The following DUSP22 variants were observed in gnomAD, a reference collection of about 807,000 sequenced individuals.
The protein encoded by DUSP22 is dual specificity protein phosphatase 22.
In DUSP22, 24 loss-of-function variants were observed where a neutral mutation model predicts 24.5. The ratio of observed to expected loss-of-function variants is 0.98; its 90% CI spans 0.71 to 1.38. DUSP22 has a LOEUF of 1.38. Among genes scored for constraint, DUSP22 ranks in the 40% most tolerant of loss-of-function variants. The probability of loss-of-function intolerance (pLI) is 0.00; values close to 1 mark genes in which losing one functional copy is unlikely to be tolerated. For synonymous variants in DUSP22, 160 were observed against 106.4 expected (o/e 1.50, Z -3.10); for missense variants, 330 against 269.2 (o/e 1.23, Z -1.58).
chr6:337,490 A>G (rs1759409772), intron 4 of DUSP22, among the ~76,000 whole-genome samples: 1 of 152,298 alleles, frequency 6.6e-6, no homozygotes, highest in Non-Finnish European at 1.5e-5. Context: ...ACCTGCTGAC[A>G]TGGAGGGACA....
chr6:312,026 C>A, intron 3 of DUSP22, 64 bp downstream of exon 3: 3 of 1,537,012 alleles, frequency 2.0e-6, no homozygotes, highest in Non-Finnish European at 1.8e-6. Context: ...GTACCTACGA[C>A]GTTAATGAAG....
At chr6:347,271 T>C (rs1759929381) in intron 5 of DUSP22, among the ~76,000 whole-genome samples, 2 of 152,308 alleles carry the variant, frequency 1.3e-5, no homozygotes, top group Non-Finnish European at 2.9e-5. Context: ...AGTGGGGTTT[T>C]AAAATTATTG....
chr6:342,294 C>G (rs1275218263), intron 4 of DUSP22, among the ~76,000 whole-genome samples: 1 of 152,298 alleles, frequency 6.6e-6, no homozygotes, highest in African/African-American at 2.4e-5. Flanking sequence ...TCTTTCTGAC[C>G]AGAAAGAGAC....
chr6:344,280 A>C (rs142122627), intron 4 of DUSP22, among the ~76,000 whole-genome samples: 1 of 151,602 alleles, frequency 6.6e-6, no homozygotes, highest in Non-Finnish European at 1.5e-5. Flanking sequence ...TTTAGAACTT[A>C]GTTCTATTAT....
chr6:337,628 T>C (rs1004525795), intron 4 of DUSP22, among the ~76,000 whole-genome samples: 9 of 152,302 alleles, frequency 5.9e-5, no homozygotes, highest in African/African-American at 1.9e-4. Flanking sequence ...ACTTTTTCTT[T>C]TTAAAATACG....
intron 2 of DUSP22, 106 bp downstream of exon 2, chr6:304,767 T>C: frequency 6.7e-7 from 1 of 1,488,080 alleles, no homozygotes; most frequent in Non-Finnish European, 9.4e-7. Context: ...TAATTTGCAT[T>C]GCTGTGCAGC....
intron 2 of DUSP22, among the ~76,000 whole-genome samples, chr6:305,512 G>A (rs1757782002): frequency 6.6e-6 from 1 of 152,304 alleles, no homozygotes; most frequent in South Asian, 2.1e-4. Flanking sequence ...ATCTCTGGCA[G>A]ATTCTTCTCA....
chr6:351,128 C>T lies in DUSP22; in HGVS notation c.*2177C>T, dbSNP rs1383339708. ...CCTGTAAGGATCCCGGGAGCCTTGCCGCACTGCCTTGTGGGTGGCTTGGCG... is the reference window on the plus strand; with the variant it reads ...CCTGTAAGGATCCCGGGAGCCTTGCTGCACTGCCTTGTGGGTGGCTTGGCG... On this transcript the variant is annotated 3_prime_UTR_variant, in exon 7 of 7. Coordinates refer to ENST00000419235, the MANE Select transcript of DUSP22 (RefSeq NM_001286555.3). 6.0e-5 allele frequency: 34 copies of T among 567,394 alleles called. No individual in the cohort carries two copies. Among genetic ancestry groups the T allele is most frequent in the South Asian group, 1.3e-4 (6 of 46,152 alleles). The allele number at this position is 567,394 out of a possible 1,614,324, so 35.1% of individuals were successfully genotyped here.
rs756523722 is a variant in DUSP22 at position 348,819 on chromosome 6, A to C, written c.486A>C (p.Ala162=). 1.9e-6 allele frequency: 3 copies of C among 1,614,310 alleles called. No individual in the cohort carries two copies. Among genetic ancestry groups the C allele is most frequent in the Non-Finnish European group, 2.5e-6 (3 of 1,180,054 alleles). The part of the protein sequence containing the change: ...EEYGESPLQD[A]EEAKNILGKY... ...ATGGAGAGAGCCCTTTGCAGGATGCAGAAGAAGCCAAAAACATTCTGGGTA... is the reference window on the plus strand; with the variant it reads ...ATGGAGAGAGCCCTTTGCAGGATGCCGAAGAAGCCAAAAACATTCTGGGTA... Residue 162 remains alanine (A), a synonymous_variant, in exon 7 of 7, where the codon GCA becomes GCC. Transcript: ENST00000419235.
At chr6:322,095 A>C (rs1281180892) in intron 3 of DUSP22, among the ~76,000 whole-genome samples, 1 of 152,302 alleles carries the variant, frequency 6.6e-6, no homozygotes, top group Non-Finnish European at 1.5e-5. Flanking sequence ...TAGTGTACAC[A>C]TATCATCTAC....
In DUSP22 at chr6:292,565, C is replaced by T. The variant is rs760464992; in HGVS notation, c.21+5C>T. ...ATGGGGAATGGGATGAACAAGGTAA[C>T]GTCTTCCCTCGTTCGCGCTGGGTTT... On this transcript the variant is annotated splice_donor_5th_base_variant and intron_variant, in intron 1 of 6. Coordinates refer to ENST00000419235, the MANE Select transcript of DUSP22 (RefSeq NM_001286555.3). 4.1e-5 allele frequency: 66 copies of T among 1,598,004 alleles called. No individual in the cohort carries two copies. In the South Asian group the frequency reaches 7.1e-4, roughly 17 times the overall value.
rs551329137 is a variant in DUSP22, at chr6:348,580, C to T, written c.436-189C>T. 11 of 1,047,180 alleles carry T rather than the reference C, an allele frequency of 1.1e-5. No individual in the cohort carries two copies. The African/African-American group carries it at 1.1e-4, about 11-fold the overall frequency. The allele number at this position is 1,047,180 out of a possible 1,614,324, so 64.9% of individuals were successfully genotyped here. A position where few individuals can be genotyped will look rare whatever the true frequency, so the allele number is the denominator to read the frequency against. ...CCTATTTTCATGTCCTAGGCCAGCACCTTGAAGGAGCAGTTCCTTCTCTTG... is the reference window on the plus strand; with the variant it reads ...CCTATTTTCATGTCCTAGGCCAGCATCTTGAAGGAGCAGTTCCTTCTCTTG... On this transcript the variant is annotated intron_variant, in intron 6 of 6. Transcript: ENST00000419235.
chr6:349,336 TTG>T lies in DUSP22; in HGVS notation c.*396_*397del, dbSNP rs1325835048. 3.6e-4 allele frequency: 390 copies of T among 1,078,470 alleles called. No homozygotes were observed. The African/African-American group carries it at 5.9e-3, about 16-fold the overall frequency. 66.8% of individuals were successfully genotyped at this position (1,078,470 alleles called of 1,614,324 possible). On this transcript the variant is annotated 3_prime_UTR_variant, in exon 7 of 7. Coordinates refer to ENST00000419235, the MANE Select transcript of DUSP22 (RefSeq NM_001286555.3). ...TGAAAGTGTCTGTGCACATGAATGT[TTG>T]TGTGTGTGTGAACTCTTTCTTACTG... is the stretch of plus-strand genomic sequence containing the variant.
intron 3 of DUSP22, among the ~76,000 whole-genome samples, chr6:323,371 C>G (rs1308374937): frequency 6.6e-6 from 1 of 152,300 alleles, no homozygotes; most frequent in Admixed American, 6.5e-5. Flanking sequence ...CATCACTGAG[C>G]AGGGGCATCG....
At position 310,780 on chromosome 6, in the gene DUSP22, A is replaced by G. The variant is rs1403187107; in HGVS notation, c.56-1100A>G. Among the ~76,000 whole-genome samples the G allele has an allele frequency of 4.6e-5, 7 of 152,420 alleles. No individual in the cohort carries two copies. In the South Asian group the frequency reaches 8.3e-4, roughly 18 times the overall value. On this transcript the variant is annotated intron_variant, in intron 2 of 6. Coordinates refer to ENST00000419235, the MANE Select transcript of DUSP22 (RefSeq NM_001286555.3). ...AATATTATGTGTCTCATGCAGAAAG[A>G]CTGACCTAAGGTCATCTCTTACAAA...
At chr6:336,965 G>A (rs1370451825) in intron 4 of DUSP22, 2 of 152,420 alleles carry the variant, frequency 1.3e-5, no homozygotes, top group African/African-American at 4.8e-5. Flanking sequence ...CCGAGATTCT[G>A]ACATGCTGTT....
intron 4 of DUSP22, among the ~76,000 whole-genome samples, 196 bp from the exon 5 acceptor site, chr6:345,658 T>C (rs1759828627): frequency 6.6e-6 from 1 of 152,310 alleles, no homozygotes; most frequent in Non-Finnish European, 1.5e-5. Flanking sequence ...ATCAGGTAAT[T>C]ATCCTGATTT....
chr6:348,768 G>A lies in DUSP22; in HGVS notation c.436-1G>A. The stretch of plus-strand genomic sequence containing the variant: ...TTCGGGTTTGTTTCCATCCTCTCCA[G>A]TATCGGCAGTGGCTGAAGGAAGAAT... On this transcript the variant is annotated splice_acceptor_variant, in intron 6 of 6. Coordinates refer to ENST00000419235, the MANE Select transcript of DUSP22 (RefSeq NM_001286555.3). LOFTEE classifies it high-confidence loss of function. 6.2e-7 allele frequency: 1 copy of A among 1,614,304 alleles called. No individual in the cohort carries two copies. The highest frequency in any genetic ancestry group is 2.2e-5 in the East Asian group (1 of 44,894).
chr6:306,586 C>T (rs796339288), intron 2 of DUSP22, among the ~76,000 whole-genome samples: 36 of 152,410 alleles, frequency 2.4e-4, no homozygotes, highest in African/African-American at 7.5e-4. Context: ...GTGTTTTATT[C>T]ACTCGTTAGC....
Sources: gnomAD v4.1 joint callset for allele counts (sites outside exome capture counted in the v4.1 genomes callset) on GRCh38, gnomAD v4.1.1 for gene constraint, MANE v1.5 for transcripts, NCBI Gene and HGNC (gene_info 2026-07-23, HGNC 2026-07-21) for gene names.